MANBAL: variants seen among roughly 807,000 people sequenced by gnomAD.
MANBAL encodes the protein protein MANBAL.
A neutral mutation model predicts 6.4 loss-of-function variants in MANBAL; 1 was observed. That is an observed-to-expected ratio of 0.16 (90% confidence interval 0.06 to 0.74). The LOEUF (loss-of-function observed/expected upper bound fraction) is 0.74, where lower values mean the gene tolerates loss of function less well. Among genes scored for constraint, MANBAL ranks in the 30% least tolerant of loss-of-function variants. The probability of loss-of-function intolerance (pLI) is 0.78; values close to 1 mark genes in which losing one functional copy is unlikely to be tolerated. For missense variants in MANBAL, 100 were observed against 107.8 expected, an observed-to-expected ratio of 0.93 and a Z score of 0.32; for synonymous variants, 47 against 45.8, an observed-to-expected ratio of 1.03 and a Z score of -0.10.
chr20:37,290,439 TCC>T (rs2068840522), intron 1 of MANBAL, among the ~76,000 whole-genome samples: 1 of 144,370 alleles, frequency 6.9e-6, no homozygotes, highest in Non-Finnish European at 1.6e-5. Flanking sequence ...TCTTTTTCTT[TCC>T]TTTTTTTTTT....
At chr20:37,295,300 T>G (rs2068968271) in intron 1 of MANBAL, among the ~76,000 whole-genome samples, 2 of 152,222 alleles carry the variant, frequency 1.3e-5, no homozygotes, top group South Asian at 2.1e-4. Context: ...GAGATTACAA[T>G]GGATCAAATA....
At chr20:37,293,573 G>A (rs1476392895) in intron 1 of MANBAL, among the ~76,000 whole-genome samples, 1 of 152,094 alleles carries the variant, frequency 6.6e-6, no homozygotes, top group Non-Finnish European at 1.5e-5. Flanking sequence ...CCATGGACTG[G>A]TACTGGTCTG....
chr20:37,301,190 A>G lies in MANBAL; in HGVS notation c.-56-18A>G. ...TGTCAGTTACAGAAATATGACACTGACCCTTTGCATTTACAAGTTGGTTCT... is the reference window on the plus strand; with the variant it reads ...TGTCAGTTACAGAAATATGACACTGGCCCTTTGCATTTACAAGTTGGTTCT... On this transcript the variant is annotated intron_variant, in intron 1 of 2. Coordinates refer to ENST00000373606, the MANE Select transcript of MANBAL (RefSeq NM_001003897.2). The G allele has an allele frequency of 1.5e-6, 2 of 1,325,940 alleles. No homozygotes were observed. Among genetic ancestry groups the G allele is most frequent in the Non-Finnish European group, 2.0e-6 (2 of 1,002,210 alleles). The allele number at this position is 1,325,940 out of a possible 1,614,324, so 82.1% of individuals were successfully genotyped here.
Position 37,310,306 on chromosome 20 carries a change from C to T in MANBAL, c.151-6002C>T, listed in dbSNP as rs1175466807. ...TCATCTCTGCGAGGCCTTCTCAGCT[C>T]CCACCCTGTCTCAGGCCCTCATGGC... On this transcript the variant is annotated intron_variant, in intron 2 of 2. Transcript: ENST00000373606. 2.6e-5 allele frequency among the ~76,000 whole-genome samples: 4 copies of T among 152,238 alleles called. No homozygotes were observed. The South Asian group carries it at 8.3e-4, about 31-fold the overall frequency.
At chr20:37,297,607 G>A (rs969069233) in intron 1 of MANBAL, 2 of 153,220 alleles carry the variant, frequency 1.3e-5, no homozygotes, top group Admixed American at 6.5e-5. Flanking sequence ...GAAACATGGT[G>A]CAAAGCAGTG....
Position 37,316,363 on chromosome 20 carries a change from C to T in MANBAL, c.206C>T (p.Ala69Val). ...GAGGTGACGAGGAAGCCCAAGGCTG[C>T]TGTTCCTTCTGTGAACAAGAGGCCC... is the stretch of plus-strand genomic sequence containing the variant. ...SAEVTRKPKAAVPSVNKRPKK... is the reference protein window; with the variant it reads ...SAEVTRKPKAVVPSVNKRPKK... The change falls in exon 3 of 3, where the codon GCT (alanine) becomes GTT (valine). Residue 69 changes from alanine (A) to valine (V), a missense_variant. Transcript: ENST00000373606. 1.2e-6 allele frequency: 2 copies of T among 1,613,912 alleles called. No individual in the cohort carries two copies. Among genetic ancestry groups the T allele is most frequent in the Non-Finnish European group, 1.7e-6 (2 of 1,179,876 alleles).
At chr20:37,298,125 A>G (rs1001218770) in intron 1 of MANBAL, among the ~76,000 whole-genome samples, 2 of 152,236 alleles carry the variant, frequency 1.3e-5, no homozygotes, top group Admixed American at 1.3e-4. Context: ...GTTTGAGGCT[A>G]CAGTGAGTTA....
chr20:37,308,706 T>C (rs1156625339), intron 2 of MANBAL, among the ~76,000 whole-genome samples: 8 of 152,054 alleles, frequency 5.3e-5, no homozygotes, highest in Admixed American at 4.6e-4. Flanking sequence ...CCTGTCTTCC[T>C]CCTCCCCATA....
chr20:37,293,361 A>G (rs1016863361), intron 1 of MANBAL, among the ~76,000 whole-genome samples: 2 of 152,188 alleles, frequency 1.3e-5, no homozygotes, highest in Non-Finnish European at 2.9e-5. Context: ...GATTCTCATA[A>G]GGAGCACACA....
chr20:37,301,806 G>C (rs1027073920), intron 2 of MANBAL, among the ~76,000 whole-genome samples: 6 of 152,228 alleles, frequency 3.9e-5, no homozygotes, highest in Non-Finnish European at 8.8e-5. Flanking sequence ...GCCCTGCCGA[G>C]GAGGCAGTGT....
At chr20:37,295,382 T>G (rs1244774907) in intron 1 of MANBAL, among the ~76,000 whole-genome samples, 2 of 152,238 alleles carry the variant, frequency 1.3e-5, no homozygotes, top group African/African-American at 2.4e-5. Context: ...ATCCAGCACA[T>G]GCATGCTCAG....
intron 2 of MANBAL, among the ~76,000 whole-genome samples, chr20:37,305,801 C>T (rs11905923): frequency 0.019 from 2,843 of 151,296 alleles, 33 homozygotes; most frequent in Middle Eastern, 0.051. Context: ...GGGGTTCTGT[C>T]GCTAGCTCTC....
intron 2 of MANBAL, among the ~76,000 whole-genome samples, 158 bp from the exon 3 acceptor site, chr20:37,316,150 G>C (rs1351398891): frequency 6.6e-6 from 1 of 152,224 alleles, no homozygotes; most frequent in African/African-American, 2.4e-5. Flanking sequence ...CGATGCTCCG[G>C]GGCAGTCCCA....
At chr20:37,315,062 T>C (rs2069476187) in intron 2 of MANBAL, among the ~76,000 whole-genome samples, 1 of 152,174 alleles carries the variant, frequency 6.6e-6, no homozygotes, top group Admixed American at 6.5e-5. Context: ...CTGAGAAACA[T>C]TTCCCAATCA....
At chr20:37,291,631 C>T (rs1050520385) in intron 1 of MANBAL, among the ~76,000 whole-genome samples, 1 of 152,126 alleles carries the variant, frequency 6.6e-6, no homozygotes, top group African/African-American at 2.4e-5. Context: ...GTGTCCCCAC[C>T]CAAATCTCAT....
intron 1 of MANBAL, among the ~76,000 whole-genome samples, chr20:37,299,977 A>G (rs2069095265): frequency 1.3e-5 from 2 of 152,126 alleles, no homozygotes; most frequent in African/African-American, 4.8e-5. Context: ...ACCTTGCACC[A>G]CTGGCCACCA....
In MANBAL at chr20:37,316,650, T is replaced by A; in HGVS notation, c.*235T>A. On this transcript the variant is annotated 3_prime_UTR_variant, in exon 3 of 3. Coordinates refer to ENST00000373606, the MANE Select transcript of MANBAL (RefSeq NM_001003897.2). ...TAGAGTCAAGGGGGCTGAAACACAC[T>A]GTGAGCATAGACTGTATTAGGTTTG... 2.4e-6 allele frequency: 1 copy of A among 415,010 alleles called. No individual in the cohort carries two copies. The highest frequency in any genetic ancestry group is 4.5e-6 in the Non-Finnish European group (1 of 223,444). 25.7% of individuals were successfully genotyped at this position (415,010 alleles called of 1,614,324 possible).
At chr20:37,302,323 G>A (rs113757409) in intron 2 of MANBAL, 3 of 1,550,482 alleles carry the variant, frequency 1.9e-6, no homozygotes, top group East Asian at 4.9e-5. Flanking sequence ...CAGGTTATTG[G>A]GTACGAATAC....
chr20:37,296,635 G>T (rs1266788665), intron 1 of MANBAL, among the ~76,000 whole-genome samples: 1 of 152,248 alleles, frequency 6.6e-6, no homozygotes, highest in Non-Finnish European at 1.5e-5. Flanking sequence ...GAATAGTGCT[G>T]CCATGAACTT....
Sources: gnomAD v4.1 joint callset for allele counts (sites outside exome capture counted in the v4.1 genomes callset) on GRCh38, gnomAD v4.1.1 for gene constraint, MANE v1.5 for transcripts, NCBI Gene and HGNC (gene_info 2026-07-23, HGNC 2026-07-21) for gene names.